Variants in IRF2 observed in about 807,000 individuals in gnomAD.
IRF2 encodes the protein interferon regulatory factor 2.
A neutral mutation model predicts 40.6 loss-of-function variants in IRF2; 15 were observed. The ratio of observed to expected loss-of-function variants is 0.37; its 90% CI spans 0.25 to 0.57. IRF2 has a LOEUF of 0.57. Ranked by LOEUF, IRF2 falls within the 20% of genes least tolerant of loss-of-function variation. The pLI, the probability that IRF2 is intolerant of heterozygous loss-of-function variation, is 0.77. For missense variants in IRF2, 317 were observed against 455.7 expected (o/e 0.70, Z 2.77); for synonymous variants, 151 against 165.5 (o/e 0.91, Z 0.67).
At chr4:184,390,376 T>C (rs1736213765) in intron 8 of IRF2, among the ~76,000 whole-genome samples, 1 of 152,158 alleles carries the variant, frequency 6.6e-6, no homozygotes, top group Non-Finnish European at 1.5e-5. Context: ...GCTGCTCTAT[T>C]TTTGCCGGTG....
chr4:184,393,453 C>A (rs1234525310), intron 7 of IRF2, among the ~76,000 whole-genome samples: 1 of 152,178 alleles, frequency 6.6e-6, no homozygotes, highest in Non-Finnish European at 1.5e-5. Flanking sequence ...ACCAAGCATG[C>A]TTTGGGGGCT....
chr4:184,449,409 C>T lies in IRF2; in HGVS notation c.-6-20339G>A, dbSNP rs573350358. 1.1e-4 allele frequency among the ~76,000 whole-genome samples: 16 copies of T among 152,364 alleles called. 1 individual carries two copies. In the South Asian group the frequency reaches 3.1e-3, roughly 30 times the overall value. On this transcript the variant is annotated intron_variant, in intron 1 of 8. Coordinates refer to ENST00000393593, the MANE Select transcript of IRF2 (RefSeq NM_002199.4). ...CAGGCCAGGCCCCCAAATCTGTAGACAAGAATCTCCATGAGGACCAAAGTC... is the reference window on the plus strand; with the variant it reads ...CAGGCCAGGCCCCCAAATCTGTAGATAAGAATCTCCATGAGGACCAAAGTC...
chr4:184,418,504 C>A (rs1737361764), intron 4 of IRF2, 28 bp downstream of exon 4: 1 of 1,603,908 alleles, frequency 6.2e-7, no homozygotes, highest in South Asian at 1.1e-5. Flanking sequence ...AATTGATTTA[C>A]CTTATTTTAG....
intron 7 of IRF2, among the ~76,000 whole-genome samples, chr4:184,397,303 T>C (rs779033888): frequency 6.6e-6 from 1 of 152,008 alleles, no homozygotes; most frequent in Non-Finnish European, 1.5e-5. Flanking sequence ...TTCACTGAGA[T>C]AGAAAATAGG....
intron 5 of IRF2, among the ~76,000 whole-genome samples, chr4:184,410,310 G>A (rs1034414692): frequency 3.3e-5 from 5 of 152,196 alleles, no homozygotes; most frequent in African/African-American, 9.7e-5. Context: ...AGCTAACTAC[G>A]TACATGGCAC....
chr4:184,469,483 T>C (rs1739444315), intron 1 of IRF2, among the ~76,000 whole-genome samples: 1 of 152,158 alleles, frequency 6.6e-6, no homozygotes, highest in South Asian at 2.1e-4. Flanking sequence ...TTGAGACCAG[T>C]CTGGGCAACA....
At position 184,408,726 on chromosome 4, in the gene IRF2, A is replaced by G. The variant is rs960808902; in HGVS notation, c.412-451T>C. Reference sequence around the variant, plus strand: ...TCTTAGGAAAAGCTCTGCCTCAGTGACTGGCCCAAGAACAGGAGCCCAGAG... The same window carrying G: ...TCTTAGGAAAAGCTCTGCCTCAGTGGCTGGCCCAAGAACAGGAGCCCAGAG... On this transcript the variant is annotated intron_variant, in intron 5 of 8. Transcript: ENST00000393593. The surrounding 1 kb of genome is among the most constrained non-coding windows in gnomAD (Gnocchi z 4.9). 2.0e-5 allele frequency among the ~76,000 whole-genome samples: 3 copies of G among 152,234 alleles called. No homozygotes were observed. The highest frequency in any genetic ancestry group is 7.2e-5 in the African/African-American group (3 of 41,460).
intron 1 of IRF2, among the ~76,000 whole-genome samples, chr4:184,465,559 C>T (rs1294134409): frequency 6.6e-6 from 1 of 151,856 alleles, no homozygotes; most frequent in Non-Finnish European, 1.5e-5. Flanking sequence ...TTTAAAAATA[C>T]CCCAATATAC....
chr4:184,471,354 GCTGT>G (rs1462830138), intron 1 of IRF2, among the ~76,000 whole-genome samples: 2 of 152,188 alleles, frequency 1.3e-5, no homozygotes, highest in Non-Finnish European at 2.9e-5. Flanking sequence ...GTGTAAAGAT[GCTGT>G]CTTTCTCGCT....
intron 1 of IRF2, among the ~76,000 whole-genome samples, chr4:184,471,615 T>TA (rs1446436043): frequency 6.6e-6 from 1 of 152,326 alleles, no homozygotes; most frequent in South Asian, 2.1e-4. Flanking sequence ...AGAATAAAAA[T>TA]ATAACATCGT....
chr4:184,396,091 G>A (rs1190325334), intron 7 of IRF2, among the ~76,000 whole-genome samples: 1 of 152,230 alleles, frequency 6.6e-6, no homozygotes. Flanking sequence ...GCAGCAGCAG[G>A]CTATAGAAGA....
chr4:184,447,095 C>T (rs938529992), intron 1 of IRF2, among the ~76,000 whole-genome samples: 1 of 152,190 alleles, frequency 6.6e-6, no homozygotes. Flanking sequence ...ATCTTGGTTT[C>T]CAAACACCAT....
At chr4:184,462,446 G>C (rs1265455594) in intron 1 of IRF2, among the ~76,000 whole-genome samples, 1 of 152,178 alleles carries the variant, frequency 6.6e-6, no homozygotes, top group Non-Finnish European at 1.5e-5. Flanking sequence ...TACAGTCAAA[G>C]AGAACAAATG....
intron 1 of IRF2, among the ~76,000 whole-genome samples, chr4:184,461,032 A>G (rs1235920995): frequency 2.0e-5 from 3 of 152,244 alleles, no homozygotes; most frequent in African/African-American, 7.2e-5. Context: ...AATAGTGCCA[A>G]GAGTTCCTGG....
chr4:184,410,342 C>A (rs544846789), intron 5 of IRF2, among the ~76,000 whole-genome samples: 2 of 152,230 alleles, frequency 1.3e-5, no homozygotes, highest in Non-Finnish European at 2.9e-5. Context: ...TAAGCACTCA[C>A]CATTACCAAA....
chr4:184,452,376 G>A (rs933754625), intron 1 of IRF2, among the ~76,000 whole-genome samples: 7 of 152,194 alleles, frequency 4.6e-5, no homozygotes, highest in African/African-American at 9.6e-5. Context: ...AGTGAAAGAC[G>A]AGGCCATAGC....
In IRF2 at chr4:184,398,985, C is replaced by T. The variant is rs777730413; in HGVS notation, c.624G>A (p.Glu208=). ...DICQVVEVTT[E]SDEQPVSMSE... ...TCATGCTGACCGGCTGCTCGTCGCTCTCAGTGGTCACCTCTACAACTTGGC... is the reference window on the plus strand; with the variant it reads ...TCATGCTGACCGGCTGCTCGTCGCTTTCAGTGGTCACCTCTACAACTTGGC... Residue 208 remains glutamate, a synonymous_variant, in exon 7 of 9, where the codon GAG becomes GAA. Coordinates refer to ENST00000393593, the MANE Select transcript of IRF2 (RefSeq NM_002199.4). 1.9e-6 allele frequency: 3 copies of T among 1,613,736 alleles called. No homozygotes were observed. The highest frequency in any genetic ancestry group is 2.5e-6 in the Non-Finnish European group (3 of 1,179,890).
At chr4:184,437,100 G>C (rs990969664) in intron 1 of IRF2, among the ~76,000 whole-genome samples, 1 of 152,194 alleles carries the variant, frequency 6.6e-6, no homozygotes, top group Non-Finnish European at 1.5e-5. Flanking sequence ...CTGTCACCCA[G>C]GCTAGAGTAT....
intron 7 of IRF2, among the ~76,000 whole-genome samples, chr4:184,395,879 TGCA>T (rs1736436931): frequency 1.3e-5 from 2 of 152,246 alleles, no homozygotes; most frequent in African/African-American, 4.8e-5. Context: ...CATTTCTCTC[TGCA>T]TGGATCTGCT....
Sources: gnomAD v4.1 joint callset for allele counts (sites outside exome capture counted in the v4.1 genomes callset) on GRCh38, gnomAD v4.1.1 for gene constraint, Gnocchi (gnomAD v3.1) non-coding constraint, MANE v1.5 for transcripts, NCBI Gene and HGNC (gene_info 2026-07-23, HGNC 2026-07-21) for gene names.